CAMK2D: variants seen among roughly 807,000 people sequenced by gnomAD.
CAMK2D encodes the protein calcium/calmodulin-dependent protein kinase type II subunit delta.
CAMK2D carries 37 observed loss-of-function variants against 84.0 expected under a neutral mutation model. The ratio of observed to expected loss-of-function variants is 0.44; its 90% confidence interval spans 0.34 to 0.58. CAMK2D has a LOEUF of 0.58. CAMK2D is among the 20% of genes least tolerant of loss of function. CAMK2D has a pLI of 0.02. For missense variants in CAMK2D, 448 were observed against 652.5 expected, an observed-to-expected ratio of 0.69 and a Z score of 3.41; for synonymous variants, 202 against 212.5, an observed-to-expected ratio of 0.95 and a Z score of 0.43.
chr4:113,604,107 A>T (rs2098967564), intron 4 of CAMK2D, among the ~76,000 whole-genome samples: 1 of 152,130 alleles, frequency 6.6e-6, no homozygotes, highest in African/African-American at 2.4e-5. Context: ...GGAAATATGT[A>T]CAAGCACCAC....
chr4:113,721,584 T>C (rs572388877), intron 2 of CAMK2D, among the ~76,000 whole-genome samples: 7 of 152,344 alleles, frequency 4.6e-5, no homozygotes, highest in Non-Finnish European at 7.4e-5. Flanking sequence ...GGGGACCCAC[T>C]TGGGACTCCA....
chr4:113,754,576 T>A lies in CAMK2D; in HGVS notation c.160+4744A>T, dbSNP rs556494748. 12 of 981,812 alleles carry A rather than the reference T, an allele frequency of 1.2e-5. 1 individual carries two copies. The South Asian group carries it at 5.2e-4, about 42-fold the overall frequency. 60.8% of individuals were successfully genotyped at this position (981,812 alleles called of 1,614,324 possible). On this transcript the variant is annotated intron_variant, in intron 2 of 20. Coordinates refer to ENST00000511664, the MANE Select transcript of CAMK2D (RefSeq NM_001321571.2). Reference sequence around the variant, plus strand: ...CACACAATCAGGTAGAGGTTTACACTAGTTATTAATATCACAGTATGGCAC... The same window carrying A: ...CACACAATCAGGTAGAGGTTTACACAAGTTATTAATATCACAGTATGGCAC...
intron 4 of CAMK2D, among the ~76,000 whole-genome samples, chr4:113,554,210 CTTAA>C (rs1195878339): frequency 6.6e-6 from 1 of 152,022 alleles, no homozygotes; most frequent in Admixed American, 6.6e-5. Flanking sequence ...TACATATTTG[CTTAA>C]TTAATGACTC....
chr4:113,608,663 C>T (rs1256275900), intron 4 of CAMK2D, among the ~76,000 whole-genome samples: 2 of 152,136 alleles, frequency 1.3e-5, no homozygotes. Context: ...TTTACTATAT[C>T]CCTGCCACTA....
intron 2 of CAMK2D, among the ~76,000 whole-genome samples, chr4:113,684,802 G>T (rs1422031193): frequency 6.6e-6 from 1 of 152,166 alleles, no homozygotes; most frequent in African/African-American, 2.4e-5. Flanking sequence ...GTGCTATACT[G>T]TCATTACTTC....
intron 8 of CAMK2D, among the ~76,000 whole-genome samples, chr4:113,523,197 A>T (rs2098383544): frequency 6.6e-6 from 1 of 152,146 alleles, no homozygotes; most frequent in Non-Finnish European, 1.5e-5. Context: ...AGTCTATGTG[A>T]CTTTGTTATA....
At chr4:113,639,561 A>C (rs2099123973) in intron 3 of CAMK2D, among the ~76,000 whole-genome samples, 1 of 152,062 alleles carries the variant, frequency 6.6e-6, no homozygotes, top group Non-Finnish European at 1.5e-5. Flanking sequence ...TGTACACTAC[A>C]ACACCCACCC....
intron 2 of CAMK2D, among the ~76,000 whole-genome samples, chr4:113,688,910 C>CAAA (rs34196728): frequency 4.0e-5 from 2 of 49,712 alleles, no homozygotes; most frequent in East Asian, 6.5e-4. Context: ...AAAGAAGATG[C>CAAA]AAAAAAAAAA....
chr4:113,507,244 C>T (rs1254447180), intron 13 of CAMK2D, among the ~76,000 whole-genome samples: 1 of 151,350 alleles, frequency 6.6e-6, no homozygotes, highest in East Asian at 1.9e-4. Context: ...GGTTCAACCA[C>T]AAATGTCTTT....
At chr4:113,507,022 G>T (rs2098137002) in intron 13 of CAMK2D, among the ~76,000 whole-genome samples, 1 of 152,018 alleles carries the variant, frequency 6.6e-6, no homozygotes, top group Non-Finnish European at 1.5e-5. Context: ...TGGGAAACAT[G>T]AGTTAAATGA....
rs368616315 is a variant in CAMK2D at position 113,647,843 on chromosome 4, A to G, written c.220+13870T>C. Among the ~76,000 whole-genome samples the G allele has an allele frequency of 4.6e-5, 7 of 152,262 alleles. No individual in the cohort carries two copies. The East Asian group carries it at 7.7e-4, about 17-fold the overall frequency. Reference sequence around the variant, plus strand: ...TAATTTTGAATGGCAGATTTATATAAGAAATATCAAAAGAAAAGGTCACTG... The same window carrying G: ...TAATTTTGAATGGCAGATTTATATAGGAAATATCAAAAGAAAAGGTCACTG... On this transcript the variant is annotated intron_variant, in intron 3 of 20. Coordinates refer to ENST00000511664, the MANE Select transcript of CAMK2D (RefSeq NM_001321571.2).
intron 4 of CAMK2D, among the ~76,000 whole-genome samples, chr4:113,605,674 G>A (rs1368316080): frequency 6.6e-6 from 1 of 152,118 alleles, no homozygotes; most frequent in Non-Finnish European, 1.5e-5. Flanking sequence ...TATGGTAGGT[G>A]TATTGCTCCC....
At chr4:113,666,349 T>C (rs980185044) in intron 2 of CAMK2D, among the ~76,000 whole-genome samples, 1 of 152,178 alleles carries the variant, frequency 6.6e-6, no homozygotes, top group Non-Finnish European at 1.5e-5. Flanking sequence ...CTTACATGAA[T>C]GACATATATA....
intron 2 of CAMK2D, among the ~76,000 whole-genome samples, chr4:113,723,667 A>AATTATATGT (rs1416596202): frequency 1.3e-5 from 2 of 152,140 alleles, no homozygotes. Flanking sequence ...CTCTGCAAAA[A>AATTATATGT]ATTATATGTG....
At chr4:113,489,630 G>GATTT (rs1226344265) in intron 16 of CAMK2D, among the ~76,000 whole-genome samples, 1 of 149,382 alleles carries the variant, frequency 6.7e-6, no homozygotes, top group Non-Finnish European at 1.5e-5. Flanking sequence ...ATAGCAGCAT[G>GATTT]ATTTATAGTC....
chr4:113,642,752 G>A (rs1250716236), intron 3 of CAMK2D, among the ~76,000 whole-genome samples: 4 of 150,172 alleles, frequency 2.7e-5, no homozygotes, highest in Non-Finnish European at 3.0e-5. Flanking sequence ...TTTTTTTCAA[G>A]ATGGAGTCGC....
At chr4:113,547,497 C>G (rs2098588308) in intron 6 of CAMK2D, 147 bp downstream of exon 6, 1 of 492,414 alleles carries the variant, frequency 2.0e-6, no homozygotes, top group African/African-American at 2.0e-5. Context: ...ATAAGAGAGA[C>G]TGTGGTGAGG....
chr4:113,733,343 C>T (rs1335492248), intron 2 of CAMK2D, among the ~76,000 whole-genome samples: 1 of 152,142 alleles, frequency 6.6e-6, no homozygotes, highest in Non-Finnish European at 1.5e-5. Flanking sequence ...AGCATTTTTA[C>T]TTTAGTTAGT....
At chr4:113,487,141 C>T (rs919859895) in intron 16 of CAMK2D, among the ~76,000 whole-genome samples, 3 of 152,154 alleles carry the variant, frequency 2.0e-5, no homozygotes, top group Non-Finnish European at 2.9e-5. Context: ...TAATATCTTG[C>T]TTTTCCTTAC....
Sources: gnomAD v4.1 joint callset for allele counts (sites outside exome capture counted in the v4.1 genomes callset) on GRCh38, gnomAD v4.1.1 for gene constraint, MANE v1.5 for transcripts, NCBI Gene and HGNC (gene_info 2026-07-23, HGNC 2026-07-21) for gene names.